Variants in ZDHHC5 observed in about 807,000 individuals in gnomAD.
The protein encoded by ZDHHC5 is zDHHC palmitoyltransferase 5.
Under a neutral mutation model 70.0 loss-of-function variants are expected in ZDHHC5, and 22 were observed. The ratio of observed to expected loss-of-function variants is 0.31; its 90% CI spans 0.22 to 0.45. The LOEUF (loss-of-function observed/expected upper bound fraction) is 0.45, where lower values mean the gene tolerates loss of function less well. Among genes scored for constraint, ZDHHC5 ranks in the 20% least tolerant of loss-of-function variants. The pLI is 1.00. For synonymous variants in ZDHHC5, 313 were observed against 347.8 expected, an observed-to-expected ratio of 0.90 and a Z score of 1.11; for missense variants, 746 against 926.9, an observed-to-expected ratio of 0.80 and a Z score of 2.53.
intron 3 of ZDHHC5, among the ~76,000 whole-genome samples, chr11:57,684,942 T>C (rs669950): frequency 0.27 from 41,652 of 151,958 alleles, 6,794 homozygotes; most frequent in East Asian, 0.78. Context: ...AGGTCAGGAC[T>C]TTAAGACCAG....
chr11:57,690,089 A>AT lies in ZDHHC5; in HGVS notation c.449dup (p.Leu151ProfsTer69). ...TGTATTGGTCGCCGGAACTACCGTT[A>AT]TTTTTTCCTTTTCCTCCTTTCCCTG... On this transcript the variant is annotated frameshift_variant, in exon 5 of 12. Coordinates refer to ENST00000287169, the MANE Select transcript of ZDHHC5 (RefSeq NM_015457.3). LOFTEE classifies it high-confidence loss of function. The AT allele has an allele frequency of 6.2e-7, 1 of 1,613,700 alleles. No individual in the cohort carries two copies. Among genetic ancestry groups the AT allele is most frequent in the Non-Finnish European group, 8.5e-7 (1 of 1,179,948 alleles).
At chr11:57,674,317 T>TG (rs71061525) in intron 2 of ZDHHC5, among the ~76,000 whole-genome samples, 54 of 79,314 alleles carry the variant, frequency 6.8e-4, no homozygotes, top group African/African-American at 1.4e-3. Context: ...TTTTCCTCAG[T>TG]TTTTTTTTTT....
At position 57,700,307 on chromosome 11, in the gene ZDHHC5, G is replaced by A. The variant is rs1043716218; in HGVS notation, c.*276G>A. On this transcript the variant is annotated 3_prime_UTR_variant, in exon 12 of 12. Transcript: ENST00000287169. The stretch of plus-strand genomic sequence containing the variant: ...TCAGTGGACATTTGTGCAATTGCTC[G>A]CCCTGGAGGGAACCAGATCATTTTT... The A allele has an allele frequency of 2.0e-5, 6 of 304,368 alleles. No individual in the cohort carries two copies. Among genetic ancestry groups the A allele is most frequent in the South Asian group, 1.1e-4 (1 of 9,180 alleles). The allele number at this position is 304,368 out of a possible 1,614,324, so 18.9% of individuals were successfully genotyped here.
chr11:57,673,267 T>A, intron 2 of ZDHHC5, 73 bp downstream of exon 2: 1 of 1,501,996 alleles, frequency 6.7e-7, no homozygotes, highest in Non-Finnish European at 9.2e-7. Flanking sequence ...ACGCTTTCTC[T>A]TGAGTTTTGC....
intron 8 of ZDHHC5, 123 bp from the exon 9 acceptor site, chr11:57,695,795 CAA>C (rs200575894): frequency 0.023 from 25,327 of 1,107,620 alleles, no homozygotes; most frequent in South Asian, 0.035. Context: ...GACCTTGTCT[CAA>C]AAAAAAAAAA....
intron 2 of ZDHHC5, among the ~76,000 whole-genome samples, chr11:57,677,706 C>T (rs578234877): frequency 2.0e-4 from 31 of 152,272 alleles, no homozygotes; most frequent in Middle Eastern, 3.4e-3. Flanking sequence ...AGTCCTCTTC[C>T]AACCCTTTTA....
rs142098848 is a variant in ZDHHC5, at chr11:57,673,138, G to T, written c.48G>T (p.Pro16=). The T allele has an allele frequency of 6.2e-7, 1 of 1,613,852 alleles. No individual in the cohort carries two copies. The highest frequency in any genetic ancestry group is 2.2e-5 in the East Asian group (1 of 44,886). ...GKRFKPSKYV[P]VSAAAIFLVG... is the part of the protein sequence containing the mutation. ...GATTCAAACCCAGCAAGTATGTCCC[G>T]GTCTCTGCAGCCGCCATCTTCCTAG... The change falls in exon 2 of 12, where the codon CCG becomes CCT. Residue 16 remains proline (P), a synonymous_variant. Transcript: ENST00000287169.
At chr11:57,682,708 T>C (rs1273545028) in intron 3 of ZDHHC5, among the ~76,000 whole-genome samples, 165 bp downstream of exon 3, 1 of 152,186 alleles carries the variant, frequency 6.6e-6, no homozygotes, top group Non-Finnish European at 1.5e-5. Flanking sequence ...TCCGGGGATT[T>C]TGGGATACTT....
At chr11:57,694,176 G>T (rs1946321294) in intron 8 of ZDHHC5, among the ~76,000 whole-genome samples, 1 of 151,814 alleles carries the variant, frequency 6.6e-6, no homozygotes. Context: ...ATTTTTAGTA[G>T]AGATGGGGTT....
At chr11:57,685,011 G>C (rs561722763) in intron 3 of ZDHHC5, among the ~76,000 whole-genome samples, 29 of 152,248 alleles carry the variant, frequency 1.9e-4, no homozygotes, top group Admixed American at 1.7e-3. Context: ...AGCCCGACAT[G>C]GTGGTGGGTG....
chr11:57,679,472 A>G (rs1005083972), intron 2 of ZDHHC5, among the ~76,000 whole-genome samples: 1 of 152,084 alleles, frequency 6.6e-6, no homozygotes, highest in African/African-American at 2.4e-5. Context: ...CCACTCTGCC[A>G]ATTTTATTTG....
chr11:57,677,015 G>C (rs1183020009), intron 2 of ZDHHC5, among the ~76,000 whole-genome samples: 1 of 144,464 alleles, frequency 6.9e-6, no homozygotes, highest in South Asian at 2.2e-4. Context: ...TCTGCCTCCT[G>C]GGTTCATGCC....
At chr11:57,692,316 C>G (rs1386597268) in intron 6 of ZDHHC5, among the ~76,000 whole-genome samples, 2 of 152,160 alleles carry the variant, frequency 1.3e-5, no homozygotes, top group African/African-American at 4.8e-5. Flanking sequence ...CTGCCATGCC[C>G]AGCCCTTAAT....
chr11:57,696,013 C>G lies in ZDHHC5; in HGVS notation c.979C>G (p.Arg327Gly), dbSNP rs1946346060. Residue 327 changes from arginine (R) to glycine (G), a missense_variant, in exon 9 of 12, where the codon CGA becomes GGA. Coordinates refer to ENST00000287169, the MANE Select transcript of ZDHHC5 (RefSeq NM_015457.3). ...KPDLSRYTGL[R>G]THLGLATNED... is the part of the protein sequence containing the mutation. ...AGACCTGAGCCGTTACACAGGGTTG[C>G]GAACACACCTCGGCTTGGCTACTAA... 6.2e-7 allele frequency: 1 copy of G among 1,613,936 alleles called. No homozygotes were observed. The highest frequency in any genetic ancestry group is 8.5e-7 in the Non-Finnish European group (1 of 1,179,974).
At position 57,688,681 on chromosome 11, in the gene ZDHHC5, G is replaced by A. The variant is rs1200353356; in HGVS notation, c.384+16G>A. On this transcript the variant is annotated intron_variant, in intron 4 of 11. Coordinates refer to ENST00000287169, the MANE Select transcript of ZDHHC5 (RefSeq NM_015457.3). The stretch of plus-strand genomic sequence containing the variant: ...CTGTGTGGAGGTAAGCACCCTGGGT[G>A]GGGTAAGACTTCATGCTTAACCTTC... The A allele has an allele frequency of 1.3e-6, 2 of 1,570,468 alleles. No individual in the cohort carries two copies. The highest frequency in any genetic ancestry group is 1.7e-6 in the Non-Finnish European group (2 of 1,156,942).
At chr11:57,673,730 C>CTGG (rs926448472) in intron 2 of ZDHHC5, among the ~76,000 whole-genome samples, 21 of 152,278 alleles carry the variant, frequency 1.4e-4, no homozygotes, top group Admixed American at 3.9e-4. Flanking sequence ...ACCACCACAC[C>CTGG]TGGCTAATTT....
At chr11:57,673,543 T>C (rs1197690703) in intron 2 of ZDHHC5, among the ~76,000 whole-genome samples, 3 of 152,202 alleles carry the variant, frequency 2.0e-5, no homozygotes, top group Non-Finnish European at 2.9e-5. Context: ...AAGCAGTCAA[T>C]TCTATGAGAA....
chr11:57,689,932 C>T, intron 4 of ZDHHC5, 99 bp from the exon 5 acceptor site: 1 of 1,370,470 alleles, frequency 7.3e-7, no homozygotes, highest in Admixed American at 2.1e-5. Flanking sequence ...AATTGGTGAC[C>T]ATGATCAAAA....
At chr11:57,677,311 G>C (rs1192928214) in intron 2 of ZDHHC5, among the ~76,000 whole-genome samples, 2 of 138,030 alleles carry the variant, frequency 1.4e-5, no homozygotes, top group African/African-American at 5.4e-5. Flanking sequence ...TTTTGAGATG[G>C]AGTCTTACTC....
Sources: gnomAD v4.1 joint callset for allele counts (sites outside exome capture counted in the v4.1 genomes callset) on GRCh38, gnomAD v4.1.1 for gene constraint, MANE v1.5 for transcripts, NCBI Gene and HGNC (gene_info 2026-07-23, HGNC 2026-07-21) for gene names.